Variants in BASP1 observed in about 807,000 individuals in gnomAD.
The protein encoded by BASP1 is brain acid soluble protein 1.
A neutral mutation model predicts 2.2 loss-of-function variants in BASP1; 1 was observed. That is an observed-to-expected ratio of 0.46 (90% CI 0.16 to 2.17). The LOEUF (loss-of-function observed/expected upper bound fraction) is 2.17, where lower values mean the gene tolerates loss of function less well. Among genes scored for constraint, BASP1 ranks in the 30% most tolerant of loss-of-function variants. The pLI is 0.27. For synonymous variants in BASP1, 187 were observed against 154.2 expected (o/e 1.21, Z -1.58); for missense variants, 352 against 327.2 (o/e 1.08, Z -0.58).
At chr5:17,221,608 T>C (rs1436712111) in intron 1 of BASP1, among the ~76,000 whole-genome samples, 1 of 152,146 alleles carries the variant, frequency 6.6e-6, no homozygotes, top group Non-Finnish European at 1.5e-5. Context: ...TATAGACAAC[T>C]TGAATATTCT....
intron 1 of BASP1, among the ~76,000 whole-genome samples, chr5:17,269,690 A>G (rs1740491967): frequency 6.6e-6 from 1 of 152,248 alleles, no homozygotes; most frequent in South Asian, 2.1e-4. Flanking sequence ...TTAAAGATGT[A>G]AGTTAGTATC....
At chr5:17,233,091 C>T (rs1431355453) in intron 1 of BASP1, among the ~76,000 whole-genome samples, 1 of 152,224 alleles carries the variant, frequency 6.6e-6, no homozygotes. Context: ...ATACAATTTA[C>T]TCATTCCAAA....
At chr5:17,243,187 C>T (rs531266374) in intron 1 of BASP1, among the ~76,000 whole-genome samples, 161 of 151,134 alleles carry the variant, frequency 1.1e-3, no homozygotes, top group Non-Finnish European at 1.9e-3. Flanking sequence ...CTCATTCTGT[C>T]GCCCAGGCTG....
Position 17,251,264 on chromosome 5 carries a change from A to G in BASP1, c.-9-23944A>G, listed in dbSNP as rs192347691. ...CCGATTTTATCATTACACATTGTAT[A>G]CAAGTATCAAAATATCACATGTACC... On this transcript the variant is annotated intron_variant, in intron 1 of 1. Coordinates refer to ENST00000322611, the MANE Select transcript of BASP1 (RefSeq NM_006317.5). The surrounding 1 kb of genome is among the most constrained non-coding windows in gnomAD (Gnocchi z 4.0). 2.2e-3 allele frequency among the ~76,000 whole-genome samples: 331 copies of G among 152,338 alleles called. 1 individual carries two copies. Among genetic ancestry groups the G allele is most frequent in the African/African-American group, 7.7e-3 (319 of 41,578 alleles).
At position 17,275,567 on chromosome 5, in the gene BASP1, CGAGGCCCCCAAAGCTGCT is replaced by C; in HGVS notation, c.358_375del (p.Pro120_Ala125del). 1 of 1,394,392 alleles carries C rather than the reference CGAGGCCCCCAAAGCTGCT, an allele frequency of 7.2e-7. No homozygotes were observed. Among genetic ancestry groups the C allele is most frequent in the African/African-American group, 1.5e-5 (1 of 64,810 alleles). 86.4% of individuals were successfully genotyped at this position (1,394,392 alleles called of 1,614,324 possible). The stretch of plus-strand genomic sequence containing the variant: ...CGGCCCCCGGCCCCGCTGCGGGCGG[CGAGGCCCCCAAAGCTGCT>C]GAGGCCGCCGCGGCCCCGGCCGAGA... On this transcript the variant is annotated inframe_deletion, in exon 2 of 2. Transcript: ENST00000322611. The surrounding 1 kb of genome is among the most constrained non-coding windows in gnomAD (Gnocchi z 5.3).
intron 1 of BASP1, among the ~76,000 whole-genome samples, chr5:17,219,102 C>T (rs767621294): frequency 6.6e-6 from 1 of 152,018 alleles, no homozygotes; most frequent in Admixed American, 6.5e-5. Context: ...GGACCGACCC[C>T]CCACCCCCAC....
At chr5:17,272,396 T>C (rs1740547343) in intron 1 of BASP1, among the ~76,000 whole-genome samples, 1 of 152,158 alleles carries the variant, frequency 6.6e-6, no homozygotes, top group South Asian at 2.1e-4. Context: ...TGGCCTTTGC[T>C]CATAGTACAG....
At chr5:17,265,205 G>A (rs1740394119) in intron 1 of BASP1, among the ~76,000 whole-genome samples, 1 of 152,190 alleles carries the variant, frequency 6.6e-6, no homozygotes, top group Admixed American at 6.5e-5. Flanking sequence ...TGGCTTGTGG[G>A]TGGATAACTC....
intron 1 of BASP1, among the ~76,000 whole-genome samples, chr5:17,229,822 C>G (rs190314027): frequency 1.1e-4 from 16 of 141,756 alleles, no homozygotes; most frequent in African/African-American, 4.2e-4. Flanking sequence ...CTTGCTCTGT[C>G]ACCCAGGCTG....
At chr5:17,254,501 T>TG (rs1579495395) in intron 1 of BASP1, among the ~76,000 whole-genome samples, 1 of 152,198 alleles carries the variant, frequency 6.6e-6, no homozygotes, top group East Asian at 1.9e-4. Flanking sequence ...TTTTTGGAAA[T>TG]GCAGTTCTGT....
At chr5:17,235,357 T>A (rs1396494677) in intron 1 of BASP1, among the ~76,000 whole-genome samples, 2 of 151,718 alleles carry the variant, frequency 1.3e-5, no homozygotes, top group Non-Finnish European at 2.9e-5. Flanking sequence ...ATCTCCCAGG[T>A]TCACGCCATT....
chr5:17,272,143 G>A (rs1280743903), intron 1 of BASP1, among the ~76,000 whole-genome samples: 2 of 151,812 alleles, frequency 1.3e-5, no homozygotes, highest in Non-Finnish European at 2.9e-5. Context: ...GCTTTCTCTT[G>A]GTAAAAAGCT....
At chr5:17,253,161 TTTAG>T (rs1740134473) in intron 1 of BASP1, among the ~76,000 whole-genome samples, 1 of 152,206 alleles carries the variant, frequency 6.6e-6, no homozygotes, top group Non-Finnish European at 1.5e-5. Context: ...GTTCAAAATA[TTTAG>T]TTACTTTAAA....
At chr5:17,231,214 C>A (rs1026347272) in intron 1 of BASP1, among the ~76,000 whole-genome samples, 2 of 152,174 alleles carry the variant, frequency 1.3e-5, no homozygotes, top group African/African-American at 4.8e-5. Context: ...CAGTGAGGAC[C>A]TTTAGCACTC....
chr5:17,272,083 AAAAAAGAAAGAAAAG>A (rs1334235264), intron 1 of BASP1, among the ~76,000 whole-genome samples: 11 of 151,992 alleles, frequency 7.2e-5, no homozygotes, highest in Non-Finnish European at 1.2e-4. Flanking sequence ...AAAAAAAAAA[AAAAAAGAAAGAAAAG>A]AAAAAGAATG....
At chr5:17,259,144 G>GA (rs1740266419) in intron 1 of BASP1, among the ~76,000 whole-genome samples, 1 of 152,188 alleles carries the variant, frequency 6.6e-6, no homozygotes, top group Non-Finnish European at 1.5e-5. Flanking sequence ...AATCATGGGG[G>GA]AAGGTGAAAG....
Position 17,276,051 on chromosome 5 carries a change from G to GT in BASP1, c.*151_*152insT. 2.2e-6 allele frequency: 1 copy of GT among 455,776 alleles called. No individual in the cohort carries two copies. The highest frequency in any genetic ancestry group is 3.2e-6 in the Non-Finnish European group (1 of 312,426). The allele number at this position is 455,776 out of a possible 1,614,324, so 28.2% of individuals were successfully genotyped here. On this transcript the variant is annotated 3_prime_UTR_variant, in exon 2 of 2. Coordinates refer to ENST00000322611, the MANE Select transcript of BASP1 (RefSeq NM_006317.5). ...TCCTATACTAACTTGTTTCAAATTG[G>GT]AAGTAATGATATGTATTGCCCAAGG... is the stretch of plus-strand genomic sequence containing the variant.
Position 17,275,691 on chromosome 5 carries a change from G to A in BASP1, c.475G>A (p.Ala159Thr), listed in dbSNP as rs769886249. The change falls in exon 2 of 2, where the codon GCC (alanine) becomes ACC (threonine). Residue 159 changes from alanine to threonine, a missense_variant. Coordinates refer to ENST00000322611, the MANE Select transcript of BASP1 (RefSeq NM_006317.5). The surrounding 1 kb of genome is among the most constrained non-coding windows in gnomAD (Gnocchi z 5.3). ...KKTEAPAAPA[A>T]QETKSDGAPA... is the part of the protein sequence containing the mutation. The stretch of plus-strand genomic sequence containing the variant: ...GACTGAGGCGCCCGCAGCTCCTGCC[G>A]CCCAGGAGACCAAAAGTGACGGGGC... The A allele has an allele frequency of 1.2e-5, 19 of 1,592,776 alleles. No individual in the cohort carries two copies. The Admixed American group carries it at 1.9e-4, about 16-fold the overall frequency.
chr5:17,263,028 T>A (rs1055237443), intron 1 of BASP1, among the ~76,000 whole-genome samples: 6 of 152,090 alleles, frequency 3.9e-5, no homozygotes, highest in Non-Finnish European at 7.4e-5. Flanking sequence ...TTATATTTTT[T>A]AGTAGAGATG....
Sources: allele counts gnomAD v4.1 joint callset (sites outside exome capture counted in the v4.1 genomes callset), GRCh38; gene constraint gnomAD v4.1.1; non-coding constraint Gnocchi (gnomAD v3.1); transcripts MANE v1.5; gene names NCBI Gene and HGNC (gene_info 2026-07-23, HGNC 2026-07-21).